SFPQ: variants seen among roughly 807,000 people sequenced by gnomAD.
SFPQ encodes splicing factor, proline- and glutamine-rich.
SFPQ carries 11 observed loss-of-function variants against 72.9 expected under a neutral mutation model. The observed-to-expected ratio is 0.15, with a 90% CI of 0.09 to 0.25. The LOEUF (loss-of-function observed/expected upper bound fraction) is 0.25. SFPQ is among the 10% of genes least tolerant of loss of function. The pLI is 1.00. For missense variants in SFPQ, 847 were observed against 993.3 expected (o/e 0.85, Z 1.98); for synonymous variants, 506 against 367.3 (o/e 1.38, Z -4.32).
At position 35,192,516 on chromosome 1, in the gene SFPQ, A is replaced by T. The variant is rs905919351; in HGVS notation, c.534T>A (p.Pro178=). 4.4e-5 allele frequency: 58 copies of T among 1,321,850 alleles called. No homozygotes were observed. In the African/African-American group the frequency reaches 7.9e-4, roughly 18 times the overall value. The allele number at this position is 1,321,850 out of a possible 1,614,324, so 81.9% of individuals were successfully genotyped here. A position where few individuals can be genotyped will look rare whatever the true frequency, so the allele number is the denominator to read the frequency against. ...TPPSSGVPTT[P]PQAGGPPPPP... ...GAGGCGGCGGGCCTCCGGCCTGAGG[A>T]GGTGTGGTAGGGACCCCGCTGCTTG... The change falls in exon 1 of 10, where the codon CCT becomes CCA. Residue 178 remains proline, a synonymous_variant. Coordinates refer to ENST00000357214, the MANE Select transcript of SFPQ (RefSeq NM_005066.3).
downstream of SFPQ, chr1:35,182,704 T>G (rs1028072066): frequency 2.8e-5 from 28 of 985,266 alleles, no homozygotes; most frequent in African/African-American, 4.5e-4. Context: ...CATTCCATAG[T>G]AAGAATTCTA....
At chr1:35,176,694 T>C (rs941156437) in intron 5 of SFPQ, among the ~76,000 whole-genome samples, 79 of 149,392 alleles carry the variant, frequency 5.3e-4, no homozygotes, top group Admixed American at 4.7e-3. Flanking sequence ...ATGGTGAAAC[T>C]CTGTCTCTAC....
intron 1 of SFPQ, 63 bp downstream of exon 1, chr1:35,192,159 G>GGGGCGAGGAGGGGGCCGC (rs1553154298): frequency 1.1e-5 from 14 of 1,255,798 alleles, no homozygotes; most frequent in Non-Finnish European, 1.4e-5. Context: ...CGCGGGGGCG[G>GGGGCGAGGAGGGGGCCGC]GGGCGAGGAG....
chr1:35,182,364 T>G (rs1335144134), downstream of SFPQ: 1 of 985,304 alleles, frequency 1.0e-6, no homozygotes, highest in African/African-American at 1.7e-5. Flanking sequence ...CAAAACTTCC[T>G]CACTGATATA....
downstream of SFPQ, chr1:35,181,022 A>C (rs865780662): frequency 1.9e-6 from 2 of 1,064,980 alleles, no homozygotes; most frequent in African/African-American, 3.3e-5. Context: ...GCTTTACCAT[A>C]CAAGTGTTAG....
chr1:35,186,937 A>C, intron 9 of SFPQ, 64 bp downstream of exon 9: 3 of 1,528,224 alleles, frequency 2.0e-6, no homozygotes, highest in Non-Finnish European at 2.7e-6. Flanking sequence ...ACAAAACAAA[A>C]CAAACACACC....
In SFPQ at chr1:35,192,575, A is replaced by G; in HGVS notation, c.475T>C (p.Ser159Pro). 7.5e-7 allele frequency: 1 copy of G among 1,335,056 alleles called. No individual in the cohort carries two copies. Among genetic ancestry groups the G allele is most frequent in the Non-Finnish European group, 9.5e-7 (1 of 1,049,308 alleles). 82.7% of individuals were successfully genotyped at this position (1,335,056 alleles called of 1,614,324 possible). A position where few individuals can be genotyped will look rare whatever the true frequency, so the allele number is the denominator to read the frequency against. Residue 159 changes from serine to proline, a missense_variant, in exon 1 of 10, where the codon TCG becomes CCG. Physicochemically the swap from Ser to Pro is moderately conservative, Grantham distance 74. Coordinates refer to ENST00000357214, the MANE Select transcript of SFPQ (RefSeq NM_005066.3). ...GGTGGCGGCGCCCCGGGAGGGGCCG[A>G]GGTGACTGCAGGCGGCGGGGTCGGA... ...PTPTPPPAVT[S>P]APPGAPPPTP...
chr1:35,184,202 A>C lies in SFPQ; in HGVS notation c.*254T>G. ...TTGGAAATTCAGTGGCACAAGGTAC[A>C]CTGCCATAAACTTGAGGGACATTAT... On this transcript the variant is annotated 3_prime_UTR_variant, in exon 10 of 10. Coordinates refer to ENST00000357214, the MANE Select transcript of SFPQ (RefSeq NM_005066.3). 18 of 1,215,910 alleles carry C rather than the reference A, an allele frequency of 1.5e-5. No homozygotes were observed. Among genetic ancestry groups the C allele is most frequent in the Non-Finnish European group, 1.8e-5 (18 of 984,312 alleles). 75.3% of individuals were successfully genotyped at this position (1,215,910 alleles called of 1,614,324 possible).
downstream of SFPQ, chr1:35,181,902 T>C (rs958990529): frequency 1.0e-6 from 1 of 985,250 alleles, no homozygotes; most frequent in Admixed American, 6.1e-5. Context: ...GTTTTAGTGA[T>C]GAAAGTCAAA....
chr1:35,187,282 T>C (rs1206270468), intron 7 of SFPQ, 31 bp from the exon 8 acceptor site: 3 of 1,599,848 alleles, frequency 1.9e-6, no homozygotes, highest in East Asian at 2.2e-5. Context: ...TCAATATACC[T>C]GCACTATACC....
chr1:35,192,321 C>G lies in SFPQ; in HGVS notation c.729G>C (p.Gly243=). The G allele has an allele frequency of 1.4e-6, 2 of 1,424,312 alleles. No homozygotes were observed. Among genetic ancestry groups the G allele is most frequent in the Non-Finnish European group, 1.8e-6 (2 of 1,101,652 alleles). The allele number at this position is 1,424,312 out of a possible 1,614,324, so 88.2% of individuals were successfully genotyped here. ...GGTAGGGCGGGTGGTGCTGGCGGCCCCCGCGGGGCTCCCCGCCGCCTCGAT... is the reference window on the plus strand; with the variant it reads ...GGTAGGGCGGGTGGTGCTGGCGGCCGCCGCGGGGCTCCCCGCCGCCTCGAT... The part of the protein sequence containing the change: ...PPHRGGGEPR[G]GRQHHPPYHQ... Residue 243 remains glycine, a synonymous_variant, in exon 1 of 10, where the codon GGG becomes GGC. Coordinates refer to ENST00000357214, the MANE Select transcript of SFPQ (RefSeq NM_005066.3).
downstream of SFPQ, chr1:35,178,247 G>GAAAACTGT: frequency 9.1e-7 from 1 of 1,095,436 alleles, no homozygotes. Context: ...GAATTAGAAT[G>GAAAACTGT]AAAACTGTAT....
intron 4 of SFPQ, 121 bp from the exon 5 acceptor site, chr1:35,189,503 T>C: frequency 1.5e-6 from 1 of 668,796 alleles, no homozygotes; most frequent in East Asian, 2.7e-5. Flanking sequence ...GCAAAAATTT[T>C]CCTGATTCAT....
Position 35,192,947 on chromosome 1 carries a change from G to T in SFPQ, c.103C>A (p.Pro35Thr), listed in dbSNP as rs1387206691. 6.3e-7 allele frequency: 1 copy of T among 1,586,552 alleles called. No individual in the cohort carries two copies. Among genetic ancestry groups the T allele is most frequent in the Non-Finnish European group, 8.5e-7 (1 of 1,174,658 alleles). ...TTCTGATTGAGGCCCATGCCGGGCG[G>T]CGGAGAACGGAAGTCGTGGAGGCCG... is the stretch of plus-strand genomic sequence containing the variant. ...RGGLHDFRSP[P>T]PGMGLNQNRG... The change falls in exon 1 of 10, where the codon CCG (proline) becomes ACG (threonine). Residue 35 changes from proline to threonine, a missense_variant. Pro to Thr is a conservative substitution (Grantham distance 38, BLOSUM62 -1). Around this residue, in one of 6 missense-constraint regions of SFPQ, gnomAD observed 498 missense variants for 405.1 expected, o/e 1.23. Coordinates refer to ENST00000357214, the MANE Select transcript of SFPQ (RefSeq NM_005066.3).
intron 2 of SFPQ, 64 bp from the exon 3 acceptor site, chr1:35,191,059 C>T: frequency 7.2e-7 from 1 of 1,382,644 alleles, no homozygotes; most frequent in South Asian, 1.3e-5. Context: ...CTTAAATTGT[C>T]ATAGGCCTAC....
chr1:35,181,820 A>C (rs1639481666), downstream of SFPQ: 1 of 984,750 alleles, frequency 1.0e-6, no homozygotes, highest in South Asian at 4.7e-5. Flanking sequence ...ATTAGGCTAA[A>C]AACTATCATA....
At chr1:35,188,855 G>A (rs1639856957) in intron 6 of SFPQ, 148 bp downstream of exon 6, 1 of 651,312 alleles carries the variant, frequency 1.5e-6, no homozygotes, top group Non-Finnish European at 2.7e-6. Context: ...CAGCTGATCG[G>A]GAGGCTGAGG....
In SFPQ at chr1:35,183,104, T is replaced by C; in HGVS notation, c.*1352A>G. ...TTTGTTAACAATCACCACTAGCTCTTAGAAGAGAACCAATAGATTTTTATA... is the reference window on the plus strand; with the variant it reads ...TTTGTTAACAATCACCACTAGCTCTCAGAAGAGAACCAATAGATTTTTATA... On this transcript the variant is annotated 3_prime_UTR_variant, in exon 10 of 10. Coordinates refer to ENST00000357214, the MANE Select transcript of SFPQ (RefSeq NM_005066.3). 1 of 1,030,828 alleles carries C rather than the reference T, an allele frequency of 9.7e-7. No homozygotes were observed. The highest frequency in any genetic ancestry group is 1.2e-6 in the Non-Finnish European group (1 of 857,660). The allele number at this position is 1,030,828 out of a possible 1,614,324, so 63.9% of individuals were successfully genotyped here. A position where few individuals can be genotyped will look rare whatever the true frequency, so the allele number is the denominator to read the frequency against.
chr1:35,181,128 T>C, downstream of SFPQ: 1 of 1,065,168 alleles, frequency 9.4e-7, no homozygotes, highest in Non-Finnish European at 1.1e-6. Flanking sequence ...TATTGCTTGT[T>C]ACCTACCTGT....
Sources: gnomAD v4.1 joint callset for allele counts (sites outside exome capture counted in the v4.1 genomes callset) on GRCh38, gnomAD v4.1.1 for gene constraint, gnomAD v4.1.1 regional missense constraint, MANE v1.5 for transcripts, NCBI Gene and HGNC (gene_info 2026-07-23, HGNC 2026-07-21) for gene names.